CEP112: variants seen among roughly 807,000 people sequenced by gnomAD.
CEP112 encodes centrosomal protein of 112 kDa.
A neutral mutation model predicts 153.0 loss-of-function variants in CEP112; 127 were observed. The ratio of observed to expected loss-of-function variants is 0.83; its 90% confidence interval spans 0.72 to 0.96. The LOEUF (loss-of-function observed/expected upper bound fraction) is 0.96, where lower values mean the gene tolerates loss of function less well. Ranked by LOEUF, CEP112 falls within the 40% of genes least tolerant of loss-of-function variation. The pLI is 0.00. For missense variants in CEP112, 1,089 were observed against 1,101.2 expected (o/e 0.99, Z 0.16); for synonymous variants, 358 against 374.4 (o/e 0.96, Z 0.51).
chr17:65,948,925 G>A (rs994421376), intron 18 of CEP112, among the ~76,000 whole-genome samples: 4 of 152,146 alleles, frequency 2.6e-5, no homozygotes, highest in African/African-American at 9.7e-5. Context: ...GGAAAAAGAT[G>A]CCCTACAGCT....
At chr17:65,738,538 A>G (rs1157576852) in intron 23 of CEP112, among the ~76,000 whole-genome samples, 1 of 152,192 alleles carries the variant, frequency 6.6e-6, no homozygotes, top group African/African-American at 2.4e-5. Flanking sequence ...TCCCTTATAC[A>G]TAGTAGGATA....
intron 8 of CEP112, among the ~76,000 whole-genome samples, chr17:66,074,494 T>G (rs1333432194): frequency 2.0e-5 from 3 of 152,030 alleles, no homozygotes; most frequent in Non-Finnish European, 2.9e-5. Flanking sequence ...AACAAGATGC[T>G]CAATGAACTC....
intron 24 of CEP112, among the ~76,000 whole-genome samples, chr17:65,665,073 CAT>C (rs2046623881): frequency 1.3e-5 from 2 of 152,222 alleles, no homozygotes; most frequent in Non-Finnish European, 2.9e-5. Context: ...CCAAAGGCCC[CAT>C]CTCCGATACC....
intron 17 of CEP112, among the ~76,000 whole-genome samples, chr17:65,975,970 G>A (rs1377297677): frequency 3.3e-5 from 5 of 152,202 alleles, no homozygotes; most frequent in Admixed American, 2.0e-4. Flanking sequence ...ATGCGTACAC[G>A]TGTGCTGGAT....
At chr17:65,939,353 A>C (rs2144444687) in intron 18 of CEP112, among the ~76,000 whole-genome samples, 1 of 152,310 alleles carries the variant, frequency 6.6e-6, no homozygotes, top group South Asian at 2.1e-4. Context: ...TCAAAATGCC[A>C]ATGTCATTTC....
At chr17:65,644,027 T>C (rs1362532712) in intron 24 of CEP112, among the ~76,000 whole-genome samples, 2 of 152,170 alleles carry the variant, frequency 1.3e-5, no homozygotes, top group East Asian at 3.8e-4. Flanking sequence ...GCTTTTGCAC[T>C]ATCTTGGTCT....
intron 4 of CEP112, among the ~76,000 whole-genome samples, chr17:66,157,705 CA>C (rs370026993): frequency 0.014 from 1,328 of 93,816 alleles, 12 homozygotes; most frequent in African/African-American, 0.045. Flanking sequence ...AAATGGAAAG[CA>C]AAAAAAAAAA....
intron 4 of CEP112, among the ~76,000 whole-genome samples, chr17:66,161,604 T>C (rs2071709792): frequency 6.6e-6 from 1 of 152,066 alleles, no homozygotes; most frequent in Non-Finnish European, 1.5e-5. Flanking sequence ...AAACACCGCA[T>C]GTTCTCACTC....
intron 17 of CEP112, among the ~76,000 whole-genome samples, chr17:65,970,316 T>A (rs1225899025): frequency 6.6e-6 from 1 of 151,650 alleles, no homozygotes; most frequent in Non-Finnish European, 1.5e-5. Flanking sequence ...ATCTCATATG[T>A]AAAACATATT....
rs1283296827 is a variant in CEP112 at position 66,164,881 on chromosome 17, CATAT to C, written c.470+10159_470+10162del. 5.8e-3 allele frequency among the ~76,000 whole-genome samples: 659 copies of C among 114,534 alleles called. 6 individuals are homozygous for C. Among genetic ancestry groups the C allele is most frequent in the African/African-American group, 0.021 (621 of 29,688 alleles). 75.1% of individuals were successfully genotyped at this position (114,534 alleles called of 152,430 possible). On this transcript the variant is annotated intron_variant, in intron 4 of 26. Coordinates refer to ENST00000535342, the MANE Select transcript of CEP112 (RefSeq NM_001199165.4). ...AAAAAAATATATATATATATACACA[CATAT>C]ATGTGTGTGTGTGTGTGTGTGTGTG...
rs1310135141 is a variant in CEP112, at chr17:65,768,359, T to C, written c.2395-17635A>G. Among the ~76,000 whole-genome samples, 3 of 152,098 alleles carry C rather than the reference T, an allele frequency of 2.0e-5. No homozygotes were observed. In the East Asian group the frequency reaches 5.8e-4, roughly 29 times the overall value. On this transcript the variant is annotated intron_variant, in intron 21 of 26. Coordinates refer to ENST00000535342, the MANE Select transcript of CEP112 (RefSeq NM_001199165.4). ...GAGAAGAAGGAAAAGGAGTTGGTCT[T>C]GCTGTCTCAGGGGTGGCAGAGGCAG...
chr17:65,902,386 T>C (rs751913737), intron 19 of CEP112, 52 bp from the exon 20 acceptor site: 2 of 1,487,946 alleles, frequency 1.3e-6, no homozygotes, highest in Non-Finnish European at 1.8e-6. Context: ...CTTGTCGTCA[T>C]GACAACTCAT....
At chr17:65,885,401 A>G (rs1432479913) in intron 20 of CEP112, among the ~76,000 whole-genome samples, 3 of 152,170 alleles carry the variant, frequency 2.0e-5, no homozygotes, top group East Asian at 3.8e-4. Flanking sequence ...GCTTTCATAA[A>G]TGACTTTTTT....
At chr17:66,007,193 G>T (rs2064312854) in intron 16 of CEP112, among the ~76,000 whole-genome samples, 1 of 152,136 alleles carries the variant, frequency 6.6e-6, no homozygotes, top group Non-Finnish European at 1.5e-5. Context: ...TCTATGGGCT[G>T]CTATGATGAT....
chr17:65,672,812 A>G (rs886417886), intron 24 of CEP112, among the ~76,000 whole-genome samples: 4 of 152,218 alleles, frequency 2.6e-5, no homozygotes, highest in African/African-American at 9.7e-5. Context: ...TCACACACAT[A>G]TCAAAAATTT....
intron 18 of CEP112, among the ~76,000 whole-genome samples, chr17:65,940,536 T>C (rs1384056786): frequency 1.3e-5 from 2 of 152,182 alleles, no homozygotes; most frequent in Non-Finnish European, 2.9e-5. Context: ...CATGTATATA[T>C]CTTGGAATAC....
At chr17:66,106,219 A>G (rs928154809) in intron 6 of CEP112, among the ~76,000 whole-genome samples, 1 of 152,154 alleles carries the variant, frequency 6.6e-6, no homozygotes, top group African/African-American at 2.4e-5. Flanking sequence ...AACTTCAAAT[A>G]AACAACCTAA....
intron 25 of CEP112, 34 bp from the exon 26 acceptor site, chr17:65,637,222 C>G: frequency 1.4e-6 from 2 of 1,475,458 alleles, no homozygotes; most frequent in Non-Finnish European, 1.9e-6. Context: ...AAGAGGTGGA[C>G]GTGGCTTACA....
intron 21 of CEP112, among the ~76,000 whole-genome samples, chr17:65,757,431 G>T (rs1186438213): frequency 1.3e-5 from 2 of 152,030 alleles, no homozygotes; most frequent in Non-Finnish European, 2.9e-5. Context: ...CAGAAGTGAA[G>T]GAAGGCATAA....
Sources: allele counts gnomAD v4.1 joint callset (sites outside exome capture counted in the v4.1 genomes callset), GRCh38; gene constraint gnomAD v4.1.1; transcripts MANE v1.5; gene names NCBI Gene and HGNC (gene_info 2026-07-23, HGNC 2026-07-21).